TOP1: variants seen among roughly 807,000 people sequenced by gnomAD.
TOP1 encodes DNA topoisomerase I, also known as DNA topoisomerase 1.
Under a neutral mutation model 111.1 loss-of-function variants are expected in TOP1, and 10 were observed. The ratio of observed to expected loss-of-function variants is 0.09; its 90% CI spans 0.06 to 0.15. The LOEUF (loss-of-function observed/expected upper bound fraction) is 0.15, where lower values mean the gene tolerates loss of function less well. TOP1 is among the 10% of genes least tolerant of loss of function. The pLI is 1.00. For missense variants in TOP1, 474 were observed against 926.7 expected, an observed-to-expected ratio of 0.51 and a Z score of 6.34; for synonymous variants, 271 against 302.9, an observed-to-expected ratio of 0.89 and a Z score of 1.10.
In TOP1 at chr20:41,109,495, A is replaced by C. The variant is rs1012020282; in HGVS notation, c.1309-3287A>C. 6.6e-6 allele frequency among the ~76,000 whole-genome samples: 1 copy of C among 152,186 alleles called. No homozygotes were observed. The highest frequency in any genetic ancestry group is 1.5e-5 in the Non-Finnish European group (1 of 68,040). On this transcript the variant is annotated intron_variant, in intron 13 of 20. Coordinates refer to ENST00000361337, the MANE Select transcript of TOP1 (RefSeq NM_003286.4). The surrounding 1 kb of genome is among the most constrained non-coding windows in gnomAD (Gnocchi z 4.1). The stretch of plus-strand genomic sequence containing the variant: ...TTAAAATTAAAAATTTATGTTCAAC[A>C]AAAGACACTGCTAAAATAAATACAG...
At chr20:41,117,286 G>A (rs1013958560) in intron 17 of TOP1, among the ~76,000 whole-genome samples, 4 of 115,210 alleles carry the variant, frequency 3.5e-5, no homozygotes, top group Non-Finnish European at 8.3e-5. Flanking sequence ...AATGAGCTAC[G>A]ACCATACCAC....
chr20:41,120,735 C>T (rs2145972676), intron 18 of TOP1, among the ~76,000 whole-genome samples: 1 of 152,366 alleles, frequency 6.6e-6, no homozygotes, highest in Middle Eastern at 3.4e-3. Flanking sequence ...GTCCTTCCCA[C>T]CTCAGACTTC....
At position 41,121,483 on chromosome 20, in the gene TOP1, C is replaced by T. The variant is rs978958156; in HGVS notation, c.1951-213C>T. Among the ~76,000 whole-genome samples the T allele has an allele frequency of 5.3e-5, 8 of 152,204 alleles. No individual in the cohort carries two copies. Among genetic ancestry groups the T allele is most frequent in the African/African-American group, 1.7e-4 (7 of 41,458 alleles). ...CCCTAGGTTACTGCCCTGTAAAACC[C>T]TTGTTTCTTTCCAGATCACTGAAGA... On this transcript the variant is annotated intron_variant, in intron 18 of 20. Coordinates refer to ENST00000361337, the MANE Select transcript of TOP1 (RefSeq NM_003286.4). This position sits in a 1 kb window ranked among gnomAD's most constrained non-coding sequence, Gnocchi z 4.2.
chr20:41,037,818 G>T (rs1252737045), intron 2 of TOP1, among the ~76,000 whole-genome samples: 3 of 152,202 alleles, frequency 2.0e-5, no homozygotes. Context: ...TCTTAGTAGA[G>T]ATCTTACGCC....
At chr20:41,036,834 T>TTTTC (rs1555802395) in intron 2 of TOP1, among the ~76,000 whole-genome samples, 2 of 145,562 alleles carry the variant, frequency 1.4e-5, no homozygotes, top group African/African-American at 2.5e-5. Context: ...CTACTTTTCT[T>TTTTC]TTTTTTTTTT....
intron 13 of TOP1, among the ~76,000 whole-genome samples, chr20:41,107,287 A>C (rs899696722): frequency 1.3e-5 from 2 of 152,222 alleles, no homozygotes; most frequent in African/African-American, 4.8e-5. Context: ...TATTTCTTCC[A>C]TAACTTCTAG....
rs527386154 is a variant in TOP1 at position 41,098,034 on chromosome 20, T to C, written c.853-181T>C. 2.0e-4 allele frequency among the ~76,000 whole-genome samples: 31 copies of C among 152,344 alleles called. No individual in the cohort carries two copies. The South Asian group carries it at 4.8e-3, about 23-fold the overall frequency. On this transcript the variant is annotated intron_variant, in intron 10 of 20. Transcript: ENST00000361337. The surrounding 1 kb of genome is among the most constrained non-coding windows in gnomAD (Gnocchi z 5.7). ...CATTTTAATATTAGTAAGTACATATTTTATAATAAAGTAATACAACTGTAT... is the reference window on the plus strand; with the variant it reads ...CATTTTAATATTAGTAAGTACATATCTTATAATAAAGTAATACAACTGTAT...
At chr20:41,072,643 C>T (rs2033681222) in intron 3 of TOP1, 2 of 985,330 alleles carry the variant, frequency 2.0e-6, no homozygotes, top group African/African-American at 1.7e-5. Context: ...TGCCAGCACT[C>T]CTGCCGGTTT....
chr20:41,098,374 G>C lies in TOP1; in HGVS notation c.975+37G>C, dbSNP rs755327069. 6.3e-7 allele frequency: 1 copy of C among 1,596,858 alleles called. No homozygotes were observed. The highest frequency in any genetic ancestry group is 8.5e-7 in the Non-Finnish European group (1 of 1,172,880). ...TTTATTAAACCTCTGGAGAATTCTG[G>C]AATTGTGATTGGTTCATTTAACTTT... On this transcript the variant is annotated intron_variant, in intron 11 of 20. Coordinates refer to ENST00000361337, the MANE Select transcript of TOP1 (RefSeq NM_003286.4). This position sits in a 1 kb window ranked among gnomAD's most constrained non-coding sequence, Gnocchi z 5.7.
chr20:41,033,388 C>A (rs918272165), intron 2 of TOP1, among the ~76,000 whole-genome samples: 1 of 149,276 alleles, frequency 6.7e-6, no homozygotes, highest in Non-Finnish European at 1.5e-5. Flanking sequence ...CTGACTTTTT[C>A]CCCTTGCTGT....
At chr20:41,076,674 C>A (rs1216459050) in intron 4 of TOP1, among the ~76,000 whole-genome samples, 1 of 152,170 alleles carries the variant, frequency 6.6e-6, no homozygotes, top group East Asian at 1.9e-4. Flanking sequence ...TCCAGCATAA[C>A]CAGTGCAAGC....
intron 14 of TOP1, among the ~76,000 whole-genome samples, 156 bp downstream of exon 14, chr20:41,113,081 AGCCTTACTGTG>A (rs1307131805): frequency 1.4e-4 from 21 of 152,232 alleles, no homozygotes; most frequent in Admixed American, 2.6e-4. Context: ...AACAATGCTT[AGCCTTACTGTG>A]AGCAGTAGAT....
rs1168227614 is a variant in TOP1, at chr20:41,068,845, CAG to C, written c.156-7324_156-7323del. Among the ~76,000 whole-genome samples the C allele has an allele frequency of 4.6e-5, 7 of 152,134 alleles. No homozygotes were observed. In the East Asian group the frequency reaches 1.2e-3, roughly 25 times the overall value. ...TTTAATAGTAGATCTCTTGTATAAA[CAG>C]AATATTATTAAAAGCAATTTGGGAG... On this transcript the variant is annotated intron_variant, in intron 3 of 20. Transcript: ENST00000361337.
chr20:41,072,499 C>T (rs2033679221), intron 3 of TOP1: 1 of 985,346 alleles, frequency 1.0e-6, no homozygotes, highest in Non-Finnish European at 1.2e-6. Context: ...ATTTTATATG[C>T]TGGCCAAATC....
intron 13 of TOP1, among the ~76,000 whole-genome samples, chr20:41,105,895 A>C (rs925298797): frequency 2.0e-5 from 3 of 152,254 alleles, no homozygotes; most frequent in Non-Finnish European, 4.4e-5. Flanking sequence ...ATGAATGAAA[A>C]TTTGTTTTAT....
At chr20:41,040,314 C>G (rs2033245571) in intron 2 of TOP1, among the ~76,000 whole-genome samples, 1 of 152,234 alleles carries the variant, frequency 6.6e-6, no homozygotes, top group African/African-American at 2.4e-5. Flanking sequence ...GTTAGACTTA[C>G]TGTGCCTTAA....
intron 18 of TOP1, among the ~76,000 whole-genome samples, chr20:41,119,169 GTAAT>G (rs1051615923): frequency 2.8e-4 from 42 of 152,300 alleles, no homozygotes; most frequent in African/African-American, 9.4e-4. Context: ...TTTCAAGGTA[GTAAT>G]TAATTAATAT....
intron 13 of TOP1, among the ~76,000 whole-genome samples, chr20:41,111,756 C>A (rs185199528): frequency 6.6e-6 from 1 of 152,036 alleles, no homozygotes; most frequent in Admixed American, 6.6e-5. Context: ...TCCTTTGTTG[C>A]GGGTGGGGAA....
At position 41,051,665 on chromosome 20, in the gene TOP1, G is replaced by C. The variant is rs114986296; in HGVS notation, c.59-9729G>C. 4.5e-3 allele frequency among the ~76,000 whole-genome samples: 686 copies of C among 152,102 alleles called. 8 individuals carry two copies. The highest frequency in any genetic ancestry group is 0.016 in the African/African-American group (649 of 41,486). On this transcript the variant is annotated intron_variant, in intron 2 of 20. Coordinates refer to ENST00000361337, the MANE Select transcript of TOP1 (RefSeq NM_003286.4). ...AGTTCGTTAGGCTTCCGGGTACCAG[G>C]GTTGTTAGAGTAGGCCACAGTTTAC... is the stretch of plus-strand genomic sequence containing the variant.
Sources: allele counts gnomAD v4.1 joint callset (sites outside exome capture counted in the v4.1 genomes callset), GRCh38; gene constraint gnomAD v4.1.1; non-coding constraint Gnocchi (gnomAD v3.1); transcripts MANE v1.5; gene names NCBI Gene and HGNC (gene_info 2026-07-23, HGNC 2026-07-21).